The following BANK1 variants were observed in gnomAD, a reference collection of about 807,000 sequenced individuals.
BANK1 encodes B cell scaffold protein with ankyrin repeats 1.
BANK1 carries 95 observed loss-of-function variants against 94.5 expected under a neutral mutation model. The observed-to-expected ratio is 1.00, with a 90% CI of 0.85 to 1.19. BANK1 has a LOEUF of 1.19. BANK1 is among the 50% of genes most tolerant of loss of function. The pLI, the probability that BANK1 is intolerant of heterozygous loss-of-function variation, is 0.00. For synonymous variants in BANK1, 334 were observed against 308.4 expected (o/e 1.08, Z -0.87); for missense variants, 987 against 932.2 (o/e 1.06, Z -0.77).
chr4:101,890,329 A>G (rs1560618695), intron 5 of BANK1, among the ~76,000 whole-genome samples: 1 of 151,584 alleles, frequency 6.6e-6, no homozygotes. Context: ...TTTCCTTCAC[A>G]TTTTTTGAAG....
intron 7 of BANK1, among the ~76,000 whole-genome samples, chr4:102,009,360 C>G (rs1726408246): frequency 1.3e-5 from 2 of 152,186 alleles, no homozygotes; most frequent in Non-Finnish European, 2.9e-5. Context: ...TCTCCCACGT[C>G]CACATTTTGA....
chr4:101,893,812 A>G (rs1182045370), intron 5 of BANK1, among the ~76,000 whole-genome samples: 1 of 152,054 alleles, frequency 6.6e-6, no homozygotes, highest in Non-Finnish European at 1.5e-5. Flanking sequence ...TTTCCACATT[A>G]AGCATTATAG....
intron 7 of BANK1, among the ~76,000 whole-genome samples, chr4:101,931,547 G>T (rs941895908): frequency 2.0e-5 from 3 of 151,490 alleles, no homozygotes; most frequent in Admixed American, 2.0e-4. Flanking sequence ...GCCAGCTGCA[G>T]ATGTGGGGAC....
chr4:101,958,847 ATGACAG>A (rs999230352), intron 7 of BANK1, among the ~76,000 whole-genome samples: 13 of 152,218 alleles, frequency 8.5e-5, no homozygotes, highest in Non-Finnish European at 1.6e-4. Flanking sequence ...GGTAGACTGA[ATGACAG>A]TGCAGGTATT....
intron 13 of BANK1, among the ~76,000 whole-genome samples, chr4:102,066,069 T>A (rs1485810348): frequency 6.6e-6 from 1 of 152,114 alleles, no homozygotes; most frequent in South Asian, 2.1e-4. Context: ...GAAAAAACTT[T>A]TAAAAACCAA....
chr4:102,008,025 C>T (rs1241776411), intron 7 of BANK1, among the ~76,000 whole-genome samples: 1 of 152,024 alleles, frequency 6.6e-6, no homozygotes, highest in Non-Finnish European at 1.5e-5. Context: ...AAATATGATT[C>T]CTTCATTGAG....
At chr4:102,068,134 G>C (rs1728650120) in intron 13 of BANK1, among the ~76,000 whole-genome samples, 1 of 151,920 alleles carries the variant, frequency 6.6e-6, no homozygotes, top group African/African-American at 2.4e-5. Context: ...GAATAATAAT[G>C]AAAAAATATC....
At chr4:102,049,621 A>C (rs971631460) in intron 11 of BANK1, among the ~76,000 whole-genome samples, 2 of 152,182 alleles carry the variant, frequency 1.3e-5, no homozygotes, top group Non-Finnish European at 2.9e-5. Context: ...CGAGCAGGGC[A>C]GGAGAGGGCC....
chr4:101,816,834 GTATAA>G (rs1385018891), intron 1 of BANK1, among the ~76,000 whole-genome samples: 5 of 152,070 alleles, frequency 3.3e-5, no homozygotes, highest in Non-Finnish European at 7.3e-5. Flanking sequence ...TAAACACTTG[GTATAA>G]TATAAGCAGA....
intron 8 of BANK1, among the ~76,000 whole-genome samples, chr4:102,024,800 A>C (rs900754404): frequency 7.9e-5 from 12 of 152,302 alleles, no homozygotes; most frequent in Admixed American, 4.6e-4. Context: ...TATTATTTAC[A>C]AGCAAGTAAA....
At chr4:101,905,533 TTC>T (rs1351549086) in intron 6 of BANK1, among the ~76,000 whole-genome samples, 1 of 152,218 alleles carries the variant, frequency 6.6e-6, no homozygotes, top group Non-Finnish European at 1.5e-5. Context: ...ATCAGCAGTT[TTC>T]TTTTTTCCCT....
chr4:102,047,622 G>A (rs1207154235), intron 11 of BANK1, among the ~76,000 whole-genome samples: 1 of 152,106 alleles, frequency 6.6e-6, no homozygotes, highest in Non-Finnish European at 1.5e-5. Context: ...ATGAAGAGAG[G>A]AGATTTTTGG....
chr4:102,074,042 G>T lies in BANK1; in HGVS notation c.*43G>T, dbSNP rs1340979976. On this transcript the variant is annotated 3_prime_UTR_variant, in exon 17 of 17. Transcript: ENST00000322953. ...AAACTCACGAATCTACGGACATTTTGCTTTCAGGGTGAAGCAAGCTTGAAT... is the reference window on the plus strand; with the variant it reads ...AAACTCACGAATCTACGGACATTTTTCTTTCAGGGTGAAGCAAGCTTGAAT... 9.4e-6 allele frequency: 2 copies of T among 213,890 alleles called. No homozygotes were observed. Among genetic ancestry groups the T allele is most frequent in the Admixed American group, 5.9e-5 (1 of 17,028 alleles). The allele number at this position is 213,890 out of a possible 1,614,324, so 13.2% of individuals were successfully genotyped here.
At chr4:102,062,898 A>G (rs1309667307) in intron 12 of BANK1, 177 bp from the exon 13 acceptor site, 2 of 564,814 alleles carry the variant, frequency 3.5e-6, no homozygotes, top group Non-Finnish European at 6.4e-6. Context: ...CACTTCATTA[A>G]GCTGTGAGAA....
In BANK1 at chr4:101,866,931, C is replaced by T. The variant is rs567564985; in HGVS notation, c.764-3574C>T. On this transcript the variant is annotated intron_variant, in intron 4 of 16. Coordinates refer to ENST00000322953, the MANE Select transcript of BANK1 (RefSeq NM_017935.5). ...ATCGCAAGAACAAAAAACCAAACGC[C>T]GCATATTCTCACTCATAGGTGGGAA... Among the ~76,000 whole-genome samples, 87 of 64,110 alleles carry T rather than the reference C, an allele frequency of 1.4e-3. 11 individuals carry two copies. The highest frequency in any genetic ancestry group is 1.8e-3 in the Non-Finnish European group (65 of 35,942). The allele number at this position is 64,110 out of a possible 152,430, so 42.1% of individuals were successfully genotyped here.
At chr4:102,050,268 G>A (rs1728002720) in intron 11 of BANK1, among the ~76,000 whole-genome samples, 1 of 152,152 alleles carries the variant, frequency 6.6e-6, no homozygotes, top group Non-Finnish European at 1.5e-5. Context: ...CTGCAGATCT[G>A]TACGGATTGG....
intron 7 of BANK1, among the ~76,000 whole-genome samples, chr4:101,939,261 A>G (rs1723666824): frequency 6.6e-6 from 1 of 151,770 alleles, no homozygotes. Context: ...CTCAAAAGCT[A>G]CTTCTGACTA....
chr4:101,858,637 C>T (rs961693401), intron 3 of BANK1, among the ~76,000 whole-genome samples: 13 of 151,772 alleles, frequency 8.6e-5, no homozygotes, highest in Admixed American at 2.0e-4. Context: ...TTTTATTTTC[C>T]CACTGCTGCT....
intron 9 of BANK1, 145 bp from the exon 10 acceptor site, chr4:102,029,815 T>C (rs1727226822): frequency 3.1e-6 from 2 of 654,954 alleles, no homozygotes; most frequent in African/African-American, 3.6e-5. Context: ...TAAATTATTC[T>C]CCTGGAGTCA....
Sources: allele counts gnomAD v4.1 joint callset (sites outside exome capture counted in the v4.1 genomes callset), GRCh38; gene constraint gnomAD v4.1.1; transcripts MANE v1.5; gene names NCBI Gene and HGNC (gene_info 2026-07-23, HGNC 2026-07-21).